CUBN: variants seen among roughly 807,000 people sequenced by gnomAD.
CUBN encodes the protein 460 kDa receptor.
CUBN carries 282 observed loss-of-function variants against 405.3 expected under a neutral mutation model. The observed-to-expected ratio is 0.70, with a 90% CI of 0.63 to 0.77. The LOEUF (loss-of-function observed/expected upper bound fraction) is 0.77, where lower values mean the gene tolerates loss of function less well. Ranked by LOEUF, CUBN falls within the 30% of genes least tolerant of loss-of-function variation. CUBN has a pLI of 0.00. For missense variants in CUBN, 4,514 were observed against 4,475.2 expected (o/e 1.01, Z -0.25); for synonymous variants, 1,684 against 1,617.0 (o/e 1.04, Z -0.99).
rs1040517715 is a variant in CUBN at position 16,903,625 on chromosome 10, T to G, written c.8062+341A>C. Among the ~76,000 whole-genome samples, 16 of 147,956 alleles carry G rather than the reference T, an allele frequency of 1.1e-4. No homozygotes were observed. The East Asian group carries it at 2.9e-3, about 27-fold the overall frequency. On this transcript the variant is annotated intron_variant, in intron 51 of 66. Transcript: ENST00000377833. The stretch of plus-strand genomic sequence containing the variant: ...ATAATTATGCAAATTACAAAATAAT[T>G]TTAAAATTATTAAATAATAATTATT...
chr10:16,884,607 C>T (rs1016696174), intron 56 of CUBN, among the ~76,000 whole-genome samples: 2 of 152,140 alleles, frequency 1.3e-5, no homozygotes, highest in African/African-American at 2.4e-5. Flanking sequence ...TTTAGACCAA[C>T]ATTAAACTTG....
At chr10:16,841,225 G>A (rs1205155045) in intron 60 of CUBN, among the ~76,000 whole-genome samples, 178 bp from the exon 61 acceptor site, 1 of 152,120 alleles carries the variant, frequency 6.6e-6, no homozygotes, top group Non-Finnish European at 1.5e-5. Flanking sequence ...TGACTTTCAG[G>A]AAAAACCTGT....
Position 17,108,880 on chromosome 10 carries a change from A to G in CUBN, c.1111+760T>C, listed in dbSNP as rs1162952624. On this transcript the variant is annotated intron_variant, in intron 10 of 66. Coordinates refer to ENST00000377833, the MANE Select transcript of CUBN (RefSeq NM_001081.4). ...AGTACATAAAGAAACTTTACCAATC[A>G]GTAAGAAAGAAAGAGAGCAAAGGGG... Among the ~76,000 whole-genome samples the G allele has an allele frequency of 2.0e-5, 3 of 152,192 alleles. No homozygotes were observed. In the South Asian group the frequency reaches 6.2e-4, roughly 31 times the overall value.
At chr10:16,991,787 T>A (rs1833596493) in intron 28 of CUBN, among the ~76,000 whole-genome samples, 1 of 152,190 alleles carries the variant, frequency 6.6e-6, no homozygotes, top group Non-Finnish European at 1.5e-5. Context: ...TTTTACACTG[T>A]TGGTGGGACT....
At chr10:16,906,590 A>C (rs1841563472) in intron 49 of CUBN, among the ~76,000 whole-genome samples, 181 bp from the exon 50 acceptor site, 1 of 152,240 alleles carries the variant, frequency 6.6e-6, no homozygotes, top group Non-Finnish European at 1.5e-5. Context: ...AAGTTTATAA[A>C]GGAAAGATGT....
chr10:17,090,628 G>A lies in CUBN; in HGVS notation c.1766-2283C>T, dbSNP rs180888209. On this transcript the variant is annotated intron_variant, in intron 14 of 66. Transcript: ENST00000377833. The stretch of plus-strand genomic sequence containing the variant: ...TTAAACACTGTAATTTGACTATACC[G>A]CTCAAGCAAAACATATTTTAAATAC... Among the ~76,000 whole-genome samples the A allele has an allele frequency of 1.4e-4, 21 of 151,926 alleles. 1 individual carries two copies. Among genetic ancestry groups the A allele is most frequent in the Middle Eastern group, 3.4e-3 (1 of 294 alleles).
chr10:17,057,436 T>G (rs1835419952), intron 22 of CUBN, among the ~76,000 whole-genome samples: 1 of 152,136 alleles, frequency 6.6e-6, no homozygotes, highest in Non-Finnish European at 1.5e-5. Flanking sequence ...TTTTAGCCAG[T>G]CTTCCATCTG....
chr10:16,832,734 G>A (rs1265852739), intron 64 of CUBN, among the ~76,000 whole-genome samples: 1 of 152,194 alleles, frequency 6.6e-6, no homozygotes, highest in Non-Finnish European at 1.5e-5. Flanking sequence ...TGGGACATCA[G>A]AGGATCTTGA....
chr10:16,956,530 A>G (rs4748330), intron 31 of CUBN, among the ~76,000 whole-genome samples: 3,493 of 152,102 alleles, frequency 0.023, 204 homozygotes, highest in East Asian at 0.15. Flanking sequence ...CTCTTACTAC[A>G]TTCATACTTG....
intron 22 of CUBN, among the ~76,000 whole-genome samples, chr10:17,049,852 A>G (rs757161068): frequency 5.5e-4 from 83 of 152,200 alleles, no homozygotes; most frequent in Non-Finnish European, 1.1e-3. Flanking sequence ...TGCAAATAGC[A>G]ATTTGAACCC....
intron 31 of CUBN, among the ~76,000 whole-genome samples, chr10:16,973,597 G>A (rs1244145337): frequency 7.2e-6 from 1 of 138,446 alleles, no homozygotes; most frequent in African/African-American, 2.6e-5. Context: ...CCCAGGTAAT[G>A]AGCAAAGAAC....
At chr10:16,920,990 G>A (rs1403835693) in intron 43 of CUBN, among the ~76,000 whole-genome samples, 2 of 152,076 alleles carry the variant, frequency 1.3e-5, no homozygotes, top group South Asian at 4.2e-4. Context: ...CAACTCCCTC[G>A]CTTCGTGTCT....
At chr10:17,070,675 G>C (rs1032226312) in intron 19 of CUBN, among the ~76,000 whole-genome samples, 6 of 152,054 alleles carry the variant, frequency 3.9e-5, no homozygotes, top group African/African-American at 1.4e-4. Context: ...TTCATTGCTG[G>C]TGTATAGAAA....
At chr10:17,081,852 A>G (rs1835977184) in intron 17 of CUBN, among the ~76,000 whole-genome samples, 1 of 152,216 alleles carries the variant, frequency 6.6e-6, no homozygotes, top group African/African-American at 2.4e-5. Context: ...GCTGATGCCA[A>G]AATTCTACAG....
chr10:16,965,480 G>A (rs1843363347), intron 31 of CUBN, among the ~76,000 whole-genome samples: 1 of 151,156 alleles, frequency 6.6e-6, no homozygotes, highest in Admixed American at 6.6e-5. Flanking sequence ...AATGGCTCGT[G>A]ACCACCTGAC....
intron 36 of CUBN, among the ~76,000 whole-genome samples, chr10:16,940,633 A>G (rs1842627407): frequency 6.6e-6 from 1 of 152,204 alleles, no homozygotes; most frequent in African/African-American, 2.4e-5. Context: ...ATGGAAATAT[A>G]CATGTGAGCT....
intron 28 of CUBN, among the ~76,000 whole-genome samples, chr10:17,006,734 A>G (rs558184093): frequency 6.6e-6 from 1 of 152,154 alleles, no homozygotes; most frequent in Admixed American, 6.5e-5. Flanking sequence ...TTACATCCAA[A>G]CCGAGCCAGT....
At chr10:16,877,573 T>G (rs1411788693) in intron 56 of CUBN, among the ~76,000 whole-genome samples, 2 of 152,282 alleles carry the variant, frequency 1.3e-5, no homozygotes, top group East Asian at 3.9e-4. Flanking sequence ...ATAGCGCTGC[T>G]ACTGAGAAAA....
intron 27 of CUBN, among the ~76,000 whole-genome samples, chr10:17,031,168 T>G (rs1261075291): frequency 6.6e-6 from 1 of 152,198 alleles, no homozygotes; most frequent in African/African-American, 2.4e-5. Flanking sequence ...CAAAATGCAT[T>G]AACCATGCAG....
Sources: gnomAD v4.1 joint callset for allele counts (sites outside exome capture counted in the v4.1 genomes callset) on GRCh38, gnomAD v4.1.1 for gene constraint, MANE v1.5 for transcripts, NCBI Gene and HGNC (gene_info 2026-07-23, HGNC 2026-07-21) for gene names.